ZIM2: variants seen among roughly 807,000 people sequenced by gnomAD.
ZIM2 encodes zinc finger protein 656.
In ZIM2, 14 loss-of-function variants were observed where a neutral mutation model predicts 38.6. The observed-to-expected ratio is 0.36, with a 90% confidence interval of 0.24 to 0.57. ZIM2 has a LOEUF of 0.57. Ranked by LOEUF, ZIM2 falls within the 20% of genes least tolerant of loss-of-function variation. ZIM2 has a pLI of 0.81. For missense variants in ZIM2, 680 were observed against 695.1 expected (o/e 0.98, Z 0.24); for synonymous variants, 247 against 245.8 (o/e 1.00, Z -0.04).
At chr19:56,784,602 T>C (rs984243723) in intron 10 of ZIM2, among the ~76,000 whole-genome samples, 1 of 152,186 alleles carries the variant, frequency 6.6e-6, no homozygotes, top group African/African-American at 2.4e-5. Context: ...TTGACCCTCC[T>C]TTCTTTTTTC....
At position 56,775,036 on chromosome 19, in the gene ZIM2, A is replaced by G. The variant is rs766705260; in HGVS notation, c.1329T>C (p.Phe443=). Residue 443 remains phenylalanine, a synonymous_variant, in exon 13 of 13, where the codon TTT becomes TTC. Transcript: ENST00000629319. ...AAGCTTTGCCGCACTGAAAACATTC[A>G]AAGTAGTCCTCCTGACTGTGAATTC... ...RVRIHSQEDY[F]ECFQCGKAFL... 9 of 1,614,048 alleles carry G rather than the reference A, an allele frequency of 5.6e-6. No individual in the cohort carries two copies. The highest frequency in any genetic ancestry group is 5.9e-6 in the Non-Finnish European group (7 of 1,180,036).
rs533745999 is a variant in ZIM2, at chr19:56,794,607, C to T, written c.491-4656G>A. Among the ~76,000 whole-genome samples the T allele has an allele frequency of 5.9e-5, 9 of 152,322 alleles. 1 individual carries two copies. The South Asian group carries it at 1.0e-3, about 18-fold the overall frequency. Reference sequence around the variant, plus strand: ...GACACAATCTGCCAAATTTTCCTTTCAACGGCTACCAACTTCTTCTTCCAA... The same window carrying T: ...GACACAATCTGCCAAATTTTCCTTTTAACGGCTACCAACTTCTTCTTCCAA... On this transcript the variant is annotated intron_variant, in intron 9 of 12. Coordinates refer to ENST00000629319, the MANE Select transcript of ZIM2 (RefSeq NM_001387356.1).
chr19:56,823,102 C>A (rs2060658605), intron 5 of ZIM2, among the ~76,000 whole-genome samples: 1 of 152,232 alleles, frequency 6.6e-6, no homozygotes, highest in Non-Finnish European at 1.5e-5. Flanking sequence ...CCACTTCAGA[C>A]TCTTTGCTGG....
intron 4 of ZIM2, 94 bp from the exon 5 acceptor site, chr19:56,823,773 A>C: frequency 2.1e-6 from 3 of 1,422,376 alleles, no homozygotes; most frequent in Non-Finnish European, 3.0e-6. Flanking sequence ...TGTCACAGAC[A>C]CACATGGTTG....
intron 2 of ZIM2, among the ~76,000 whole-genome samples, chr19:56,831,797 G>C (rs944616138): frequency 6.6e-6 from 1 of 152,184 alleles, no homozygotes; most frequent in Admixed American, 6.5e-5. Flanking sequence ...ACACCCACTG[G>C]TTAACTTTGT....
chr19:56,795,921 T>C (rs2047197839), intron 9 of ZIM2, among the ~76,000 whole-genome samples: 1 of 152,170 alleles, frequency 6.6e-6, no homozygotes, highest in Non-Finnish European at 1.5e-5. Context: ...TACTTAGAAC[T>C]TGAGGATAAG....
chr19:56,817,848 A>G lies in ZIM2; in HGVS notation c.398-10T>C. On this transcript the variant is annotated splice_polypyrimidine_tract_variant and intron_variant, in intron 8 of 12. Coordinates refer to ENST00000629319, the MANE Select transcript of ZIM2 (RefSeq NM_001387356.1). ...TCAGCAAGCTGCACTCCTGGTCACA[A>G]GGACAATATGATGCCTCAAATTCAA... 1 of 1,610,568 alleles carries G rather than the reference A, an allele frequency of 6.2e-7. No homozygotes were observed. The highest frequency in any genetic ancestry group is 8.5e-7 in the Non-Finnish European group (1 of 1,177,222).
intron 9 of ZIM2, among the ~76,000 whole-genome samples, chr19:56,795,454 C>T (rs920713654): frequency 6.6e-6 from 1 of 152,234 alleles, no homozygotes; most frequent in Non-Finnish European, 1.5e-5. Context: ...ACCCCGGGCC[C>T]AGCGAACTTA....
chr19:56,779,313 A>G (rs1450956013), intron 12 of ZIM2, 64 bp downstream of exon 12: 11 of 1,567,300 alleles, frequency 7.0e-6, no homozygotes, highest in Non-Finnish European at 9.6e-6. Flanking sequence ...CTTTGAGGAA[A>G]GCTCTCTGAC....
rs191731843 is a variant in ZIM2 at position 56,837,237 on chromosome 19, C to T, written c.-313-1133G>A. Among the ~76,000 whole-genome samples the T allele has an allele frequency of 3.0e-3, 461 of 152,006 alleles. 1 individual carries two copies. Among genetic ancestry groups the T allele is most frequent in the African/African-American group, 9.9e-3 (409 of 41,468 alleles). On this transcript the variant is annotated intron_variant, in intron 1 of 12. Coordinates refer to ENST00000629319, the MANE Select transcript of ZIM2 (RefSeq NM_001387356.1). ...AGTTTCTCCAGAGGCCCCACCCTAC[C>T]TATGGGGCAGCCCCTTTAAACACAC...
chr19:56,800,742 A>G (rs992595832), intron 9 of ZIM2, among the ~76,000 whole-genome samples: 6 of 152,162 alleles, frequency 3.9e-5, no homozygotes, highest in Non-Finnish European at 8.8e-5. Flanking sequence ...TAAAAGAGGT[A>G]TGATAGAACA....
At chr19:56,839,381 G>A (rs1439016882) in intron 1 of ZIM2, among the ~76,000 whole-genome samples, 2 of 151,666 alleles carry the variant, frequency 1.3e-5, no homozygotes, top group East Asian at 3.9e-4. Flanking sequence ...CACCTGCACA[G>A]CAAACCTCAG....
At chr19:56,780,302 G>A (rs2145849343) in intron 11 of ZIM2, among the ~76,000 whole-genome samples, 2 of 149,784 alleles carry the variant, frequency 1.3e-5, no homozygotes, top group Middle Eastern at 3.4e-3. Context: ...GAGTGCAGTG[G>A]CACGATCTTG....
intron 10 of ZIM2, among the ~76,000 whole-genome samples, chr19:56,787,638 T>A (rs1028370079): frequency 2.6e-5 from 4 of 152,076 alleles, no homozygotes; most frequent in Admixed American, 6.6e-5. Context: ...TTTGGAATAG[T>A]TTCAGAAGGA....
intron 1 of ZIM2, among the ~76,000 whole-genome samples, chr19:56,840,000 C>T (rs2062801820): frequency 6.6e-6 from 1 of 152,194 alleles, no homozygotes; most frequent in South Asian, 2.1e-4. Flanking sequence ...CAGCCCTTCG[C>T]CCCTCCCACC....
intron 1 of ZIM2, among the ~76,000 whole-genome samples, chr19:56,838,457 C>A (rs1402396128): frequency 1.3e-5 from 2 of 152,182 alleles, no homozygotes; most frequent in African/African-American, 4.8e-5. Flanking sequence ...CGGTCCCGGG[C>A]CCCAGCCCTT....
chr19:56,827,996 T>G (rs2061217077), intron 2 of ZIM2, among the ~76,000 whole-genome samples: 1 of 152,240 alleles, frequency 6.6e-6, no homozygotes, highest in African/African-American at 2.4e-5. Flanking sequence ...CCTTTTGTTT[T>G]TTGTTTTTAT....
chr19:56,793,871 A>C (rs1279430913), intron 9 of ZIM2, among the ~76,000 whole-genome samples: 6 of 152,228 alleles, frequency 3.9e-5, no homozygotes, highest in Non-Finnish European at 8.8e-5. Context: ...AAGGTCAAAA[A>C]CAGGCAAAAT....
At chr19:56,802,660 T>C (rs976225404) in intron 9 of ZIM2, among the ~76,000 whole-genome samples, 1 of 152,192 alleles carries the variant, frequency 6.6e-6, no homozygotes, top group African/African-American at 2.4e-5. Context: ...TGCATTCCAC[T>C]GGCCACAGAC....
Sources: allele counts gnomAD v4.1 joint callset (sites outside exome capture counted in the v4.1 genomes callset), GRCh38; gene constraint gnomAD v4.1.1; transcripts MANE v1.5; gene names NCBI Gene and HGNC (gene_info 2026-07-23, HGNC 2026-07-21).